PAX3: variants seen among roughly 807,000 people sequenced by gnomAD.
PAX3 encodes the protein paired box protein Pax-3.
In PAX3, 14 loss-of-function variants were observed where a neutral mutation model predicts 51.6. The ratio of observed to expected loss-of-function variants is 0.27; its 90% CI spans 0.18 to 0.42. The LOEUF is 0.42. Ranked by LOEUF, PAX3 falls within the 10% of genes least tolerant of loss-of-function variation. The pLI is 1.00. For synonymous variants in PAX3, 280 were observed against 253.4 expected (o/e 1.11, Z -1.00); for missense variants, 540 against 642.8 (o/e 0.84, Z 1.73).
chr2:222,222,574 T>G (rs890787779), intron 5 of PAX3, among the ~76,000 whole-genome samples: 1 of 152,138 alleles, frequency 6.6e-6, no homozygotes, highest in Non-Finnish European at 1.5e-5. Context: ...CAGCTAATTT[T>G]TGTATTCTTA....
chr2:222,226,496 C>T (rs944513932), intron 5 of PAX3, among the ~76,000 whole-genome samples: 1 of 152,028 alleles, frequency 6.6e-6, no homozygotes, highest in African/African-American at 2.4e-5. Context: ...CATCTTGATA[C>T]CTCCCAAAAG....
At chr2:222,274,682 C>G (rs961297253) in intron 4 of PAX3, among the ~76,000 whole-genome samples, 1 of 152,036 alleles carries the variant, frequency 6.6e-6, no homozygotes, top group Non-Finnish European at 1.5e-5. Flanking sequence ...AATAACAACT[C>G]TTCTTCGAAC....
intron 4 of PAX3, among the ~76,000 whole-genome samples, chr2:222,277,608 A>G (rs80201215): frequency 0.012 from 1,803 of 152,254 alleles, 32 homozygotes; most frequent in African/African-American, 0.041. Flanking sequence ...ATGCTTTTGA[A>G]AACAGCCCAA....
At chr2:222,244,755 A>G (rs900536627) in intron 4 of PAX3, among the ~76,000 whole-genome samples, 1 of 147,280 alleles carries the variant, frequency 6.8e-6, no homozygotes, top group African/African-American at 2.5e-5. Context: ...AAAAAAAAAG[A>G]TATTCAGCTC....
rs192792747 is a variant in PAX3, at chr2:222,294,071, C to G, written c.586+96G>C. 3.1e-4 allele frequency: 492 copies of G among 1,588,572 alleles called. 1 individual carries two copies. The African/African-American group carries it at 5.8e-3, about 19-fold the overall frequency. On this transcript the variant is annotated intron_variant, in intron 4 of 8. Transcript: ENST00000392070. ...CACCGCGCATGAAGGGACCTTGATC[C>G]GAGCTGGGCTTGGCTGCCGTCAGAT...
chr2:222,237,336 A>G (rs1473004076), intron 4 of PAX3, among the ~76,000 whole-genome samples: 1 of 151,698 alleles, frequency 6.6e-6, no homozygotes, highest in African/African-American at 2.4e-5. Context: ...GCACACACAC[A>G]CACACACACA....
intron 7 of PAX3, among the ~76,000 whole-genome samples, chr2:222,205,848 C>T (rs891557858): frequency 5.3e-5 from 8 of 152,000 alleles, no homozygotes; most frequent in East Asian, 1.9e-4. Flanking sequence ...AGCTATTTTG[C>T]GTTTCATGTG....
At chr2:222,289,298 A>G (rs1446919876) in intron 4 of PAX3, among the ~76,000 whole-genome samples, 1 of 152,100 alleles carries the variant, frequency 6.6e-6, no homozygotes, top group Non-Finnish European at 1.5e-5. Flanking sequence ...TTGGCCATCT[A>G]CTTATGTACA....
chr2:222,267,163 C>G (rs958341150), intron 4 of PAX3, among the ~76,000 whole-genome samples: 1 of 152,192 alleles, frequency 6.6e-6, no homozygotes, highest in African/African-American at 2.4e-5. Context: ...CACCACTGTT[C>G]CCCAGCCTTC....
At chr2:222,205,249 C>A (rs1038777377) in intron 7 of PAX3, among the ~76,000 whole-genome samples, 5 of 152,108 alleles carry the variant, frequency 3.3e-5, no homozygotes, top group Admixed American at 6.6e-5. Flanking sequence ...AAAGATAGTT[C>A]CTCAAAGGTT....
chr2:222,218,749 G>A (rs1460021101), intron 7 of PAX3, among the ~76,000 whole-genome samples: 1 of 152,160 alleles, frequency 6.6e-6, no homozygotes, highest in Non-Finnish European at 1.5e-5. Flanking sequence ...CCTGTAGGAA[G>A]CACTTTCATT....
At chr2:222,233,177 C>T (rs918669808) in intron 4 of PAX3, 2 of 151,154 alleles carry the variant, frequency 1.3e-5, no homozygotes, top group Non-Finnish European at 2.9e-5. Context: ...AACCCAATCC[C>T]AGGGCCTTCT....
chr2:222,230,240 C>T (rs1692536778), intron 5 of PAX3, among the ~76,000 whole-genome samples: 1 of 152,004 alleles, frequency 6.6e-6, no homozygotes, highest in Admixed American at 6.6e-5. Context: ...AGATCTCATC[C>T]CTTGAGTTCA....
chr2:222,282,305 T>C (rs1017366448), intron 4 of PAX3, among the ~76,000 whole-genome samples: 8 of 152,134 alleles, frequency 5.3e-5, no homozygotes, highest in Non-Finnish European at 1.0e-4. Flanking sequence ...AGACCAGGTA[T>C]TCAGCAGGAC....
chr2:222,294,758 G>GCC (rs368069047), intron 3 of PAX3, among the ~76,000 whole-genome samples: 1,171 of 87,056 alleles, frequency 0.013, 14 homozygotes, highest in African/African-American at 0.024. Flanking sequence ...ACTTGTCCGC[G>GCC]CCCCCCCCCA....
At chr2:222,252,270 C>T (rs902628525) in intron 4 of PAX3, among the ~76,000 whole-genome samples, 2 of 152,206 alleles carry the variant, frequency 1.3e-5, no homozygotes, top group Admixed American at 6.5e-5. Context: ...TGGACCTTGA[C>T]AGAAGATATT....
chr2:222,269,570 T>G lies in PAX3; in HGVS notation c.586+24597A>C, dbSNP rs1160685773. On this transcript the variant is annotated intron_variant, in intron 4 of 8. Coordinates refer to ENST00000392070, the MANE Select transcript of PAX3 (RefSeq NM_181458.4). ...TGCAAACAAACAAGAGTAAACAAAT[T>G]TTTTTAAAAGTCTACAAACAACGAC... Among the ~76,000 whole-genome samples the G allele has an allele frequency of 2.0e-5, 3 of 152,138 alleles. No homozygotes were observed. The East Asian group carries it at 5.8e-4, about 29-fold the overall frequency.
intron 4 of PAX3, among the ~76,000 whole-genome samples, chr2:222,291,185 G>C (rs1247037934): frequency 6.6e-6 from 1 of 152,168 alleles, no homozygotes; most frequent in Non-Finnish European, 1.5e-5. Context: ...CGGCCGCTGC[G>C]CAGGGCGGTG....
intron 4 of PAX3, among the ~76,000 whole-genome samples, chr2:222,260,146 A>T (rs1283145108): frequency 6.6e-6 from 1 of 152,190 alleles, no homozygotes; most frequent in Admixed American, 6.5e-5. Context: ...AAGTGCTGGG[A>T]TTATAGGCAT....
Sources: gnomAD v4.1 joint callset for allele counts (sites outside exome capture counted in the v4.1 genomes callset) on GRCh38, gnomAD v4.1.1 for gene constraint, MANE v1.5 for transcripts, NCBI Gene and HGNC (gene_info 2026-07-23, HGNC 2026-07-21) for gene names.